Variants in ANO3 observed in about 807,000 individuals in gnomAD.
ANO3 encodes the protein anoctamin 3, also known as anoctamin-3.
A neutral mutation model predicts 144.8 loss-of-function variants in ANO3; 99 were observed. The observed-to-expected ratio is 0.68, with a 90% CI of 0.58 to 0.81. ANO3 has a LOEUF of 0.81. Ranked by LOEUF, ANO3 falls within the 30% of genes least tolerant of loss-of-function variation. The pLI is 0.00. For missense variants in ANO3, 905 were observed against 1,202.2 expected, an observed-to-expected ratio of 0.75 and a Z score of 3.66; for synonymous variants, 414 against 392.6, an observed-to-expected ratio of 1.05 and a Z score of -0.64.
At chr11:26,326,212 T>C (rs980568549) in intron 1 of ANO3, among the ~76,000 whole-genome samples, 1 of 152,152 alleles carries the variant, frequency 6.6e-6, no homozygotes, top group African/African-American at 2.4e-5. Context: ...AATGACCACA[T>C]AACTTACTGT....
chr11:26,555,548 C>T (rs1180425016), intron 13 of ANO3, among the ~76,000 whole-genome samples: 3 of 152,092 alleles, frequency 2.0e-5, no homozygotes, highest in Non-Finnish European at 4.4e-5. Flanking sequence ...ACAGGGATGA[C>T]TCACAAAGAA....
At chr11:26,504,133 C>T (rs1377775408) in intron 4 of ANO3, among the ~76,000 whole-genome samples, 3 of 152,166 alleles carry the variant, frequency 2.0e-5, no homozygotes, top group Non-Finnish European at 4.4e-5. Context: ...AGCAGTGAGT[C>T]ACAGATATAA....
At chr11:26,436,228 C>A (rs997372912) in intron 1 of ANO3, among the ~76,000 whole-genome samples, 6 of 152,180 alleles carry the variant, frequency 3.9e-5, no homozygotes, top group African/African-American at 1.4e-4. Flanking sequence ...TTCTCCAGAA[C>A]TGGAGACAGC....
rs894761830 is a variant in ANO3 at position 26,311,470 on chromosome 11, T to C, written c.-3+1751T>C. Reference sequence around the variant, plus strand: ...AGTGAAATATAAAATTCCCATTGACTATGAAATTTAGGATTAGAATTGTTA... The same window carrying C: ...AGTGAAATATAAAATTCCCATTGACCATGAAATTTAGGATTAGAATTGTTA... On this transcript the variant is annotated intron_variant, in intron 1 of 26. Coordinates refer to the ANO3 transcript ENST00000525139. Among the ~76,000 whole-genome samples the C allele has an allele frequency of 2.6e-5, 4 of 152,234 alleles. No individual in the cohort carries two copies. The South Asian group carries it at 8.3e-4, about 31-fold the overall frequency.
At chr11:26,404,931 ATATGTGTGTG>A (rs1377420844) in intron 1 of ANO3, among the ~76,000 whole-genome samples, 19 of 39,276 alleles carry the variant, frequency 4.8e-4, no homozygotes, top group Admixed American at 1.8e-3. Flanking sequence ...GAATTTATAT[ATATGTGTGTG>A]TGTGTGTGTG....
chr11:26,360,863 T>TA (rs1331509114), intron 1 of ANO3, among the ~76,000 whole-genome samples: 2 of 152,204 alleles, frequency 1.3e-5, no homozygotes, highest in Non-Finnish European at 1.5e-5. Flanking sequence ...GTTTGGAGGA[T>TA]AGATGGACAA....
rs371308679 is a variant in ANO3 at position 26,463,081 on chromosome 11, A to C, written c.365A>C (p.Asp122Ala). Residue 122 changes from aspartate to alanine, a missense_variant, in exon 4 of 27, where the codon GAC (aspartate) becomes GCC (alanine). By Grantham distance (126) the Asp-to-Ala change is moderately radical. Coordinates refer to ENST00000256737, the MANE Select transcript of ANO3 (RefSeq NM_031418.4). ...GATGAATCAGAACACGCTACTTATG[A>C]CCGATCTCGTCTCATTAATGACTTT... is the stretch of plus-strand genomic sequence containing the variant. ...YTDESEHATY[D>A]RSRLINDFVI... is the part of the protein sequence containing the mutation. 6.3e-6 allele frequency: 10 copies of C among 1,598,958 alleles called. No individual in the cohort carries two copies. The highest frequency in any genetic ancestry group is 8.5e-6 in the Non-Finnish European group (10 of 1,172,650).
chr11:26,448,214 G>A (rs993694253), intron 3 of ANO3, among the ~76,000 whole-genome samples: 3 of 151,226 alleles, frequency 2.0e-5, no homozygotes, highest in Non-Finnish European at 4.4e-5. Context: ...CAGGAGAATC[G>A]CTTGAACCCA....
intron 13 of ANO3, among the ~76,000 whole-genome samples, chr11:26,555,846 G>T (rs955363010): frequency 6.6e-6 from 1 of 152,052 alleles, no homozygotes; most frequent in African/African-American, 2.4e-5. Context: ...TTTGCCAAAG[G>T]TACAAGCCAA....
chr11:26,598,866 T>G lies in ANO3; in HGVS notation c.1539T>G (p.Leu513=), dbSNP rs767978030. The G allele has an allele frequency of 1.9e-5, 31 of 1,612,936 alleles. No individual in the cohort carries two copies. Among genetic ancestry groups the G allele is most frequent in the Non-Finnish European group, 2.4e-5 (28 of 1,179,710 alleles). Residue 513 remains leucine, a synonymous_variant, in exon 16 of 27, where the codon CTT becomes CTG. Transcript: ENST00000256737. Reference sequence around the variant, plus strand: ...TTTCGTTTCTCTCATAGGAAACACTTCGTCCCCAGTTTGAAGCCAAGTATT... The same window carrying G: ...TTTCGTTTCTCTCATAGGAAACACTGCGTCCCCAGTTTGAAGCCAAGTATT... ...LIEWEEEEET[L]RPQFEAKYYK...
At chr11:26,251,803 A>G (rs1370450282) in intron 1 of ANO3, among the ~76,000 whole-genome samples, 2 of 152,188 alleles carry the variant, frequency 1.3e-5, no homozygotes, top group Non-Finnish European at 2.9e-5. Flanking sequence ...GAAGTGCCAC[A>G]TTTAAAACCA....
chr11:26,414,291 G>A (rs1031502630), intron 1 of ANO3, among the ~76,000 whole-genome samples: 2 of 152,014 alleles, frequency 1.3e-5, no homozygotes, highest in African/African-American at 2.4e-5. Flanking sequence ...ACATGCACAC[G>A]TATGTTTATT....
intron 20 of ANO3, among the ~76,000 whole-genome samples, chr11:26,638,274 C>T (rs1853030966): frequency 6.6e-6 from 1 of 152,082 alleles, no homozygotes. Context: ...AAAACACTAA[C>T]CAATTAACAT....
intron 1 of ANO3, among the ~76,000 whole-genome samples, chr11:26,389,364 G>A (rs575005966): frequency 2.0e-4 from 30 of 151,868 alleles, no homozygotes; most frequent in Non-Finnish European, 3.4e-4. Flanking sequence ...ATTAATCATA[G>A]GTACCTACCT....
At chr11:26,570,876 G>T (rs1231575361) in intron 14 of ANO3, among the ~76,000 whole-genome samples, 2 of 152,028 alleles carry the variant, frequency 1.3e-5, no homozygotes, top group Non-Finnish European at 2.9e-5. Flanking sequence ...TTCTAAAAAT[G>T]CCTCTTTTAT....
intron 3 of ANO3, among the ~76,000 whole-genome samples, chr11:26,461,011 G>C (rs538335202): frequency 6.6e-6 from 1 of 152,030 alleles, no homozygotes. Context: ...GCCATTTGCC[G>C]ATTGCTGTTT....
chr11:26,627,210 T>C (rs762787650), intron 18 of ANO3, among the ~76,000 whole-genome samples: 4 of 151,716 alleles, frequency 2.6e-5, no homozygotes, highest in Admixed American at 6.6e-5. Flanking sequence ...GGCTTTGGAG[T>C]TGGATATAGC....
chr11:26,593,388 G>T (rs1851510056), intron 14 of ANO3, among the ~76,000 whole-genome samples: 1 of 152,178 alleles, frequency 6.6e-6, no homozygotes, highest in Admixed American at 6.5e-5. Flanking sequence ...TAGTGTCTGG[G>T]AGAAGTATCT....
At position 26,463,094 on chromosome 11, in the gene ANO3, C is replaced by T. The variant is rs1217930835; in HGVS notation, c.378C>T (p.Leu126=). The part of the protein sequence containing the change: ...SEHATYDRSR[L]INDFVIKDKS... Reference sequence around the variant, plus strand: ...ACGCTACTTATGACCGATCTCGTCTCATTAATGACTTTGTTATCAAAGATA... The same window carrying T: ...ACGCTACTTATGACCGATCTCGTCTTATTAATGACTTTGTTATCAAAGATA... Residue 126 remains leucine, a synonymous_variant, in exon 4 of 27, where the codon CTC becomes CTT. Coordinates refer to ENST00000256737, the MANE Select transcript of ANO3 (RefSeq NM_031418.4). 3.1e-6 allele frequency: 5 copies of T among 1,596,858 alleles called. No individual in the cohort carries two copies. Among genetic ancestry groups the T allele is most frequent in the African/African-American group, 1.3e-5 (1 of 74,206 alleles).
Sources: gnomAD v4.1 joint callset for allele counts (sites outside exome capture counted in the v4.1 genomes callset) on GRCh38, gnomAD v4.1.1 for gene constraint, MANE v1.5 for transcripts, NCBI Gene and HGNC (gene_info 2026-07-23, HGNC 2026-07-21) for gene names.